Variants in SGCD observed in about 807,000 individuals in gnomAD.
The protein encoded by SGCD is delta-sarcoglycan.
A neutral mutation model predicts 36.6 loss-of-function variants in SGCD; 18 were observed. That is an observed-to-expected ratio of 0.49 (90% CI 0.34 to 0.73). The LOEUF (loss-of-function observed/expected upper bound fraction) is 0.73, where lower values mean the gene tolerates loss of function less well. Among genes scored for constraint, SGCD ranks in the 30% least tolerant of loss-of-function variants. SGCD has a pLI of 0.01. For synonymous variants in SGCD, 133 were observed against 130.6 expected (o/e 1.02, Z -0.12); for missense variants, 387 against 346.7 (o/e 1.12, Z -0.92).
chr5:155,877,224 A>G (rs1289451920), intron 1 of SGCD, among the ~76,000 whole-genome samples: 1 of 152,114 alleles, frequency 6.6e-6, no homozygotes, highest in Non-Finnish European at 1.5e-5. Context: ...TCCAAATCAT[A>G]CCGAAATGGC....
At chr5:155,877,955 C>T (rs781257887) in intron 1 of SGCD, among the ~76,000 whole-genome samples, 8 of 152,062 alleles carry the variant, frequency 5.3e-5, no homozygotes, top group Admixed American at 3.3e-4. Flanking sequence ...AAGTCAGCCC[C>T]ACTTTTTGTT....
At chr5:155,935,227 G>T (rs957050455) in intron 1 of SGCD, among the ~76,000 whole-genome samples, 1 of 152,084 alleles carries the variant, frequency 6.6e-6, no homozygotes. Flanking sequence ...AGTTATTTTT[G>T]TATATCTTAT....
the SGCD span, among the ~76,000 whole-genome samples, chr5:155,763,283 A>T: frequency 6.6e-6 from 1 of 152,208 alleles, no homozygotes; most frequent in Admixed American, 6.5e-5. Flanking sequence ...GACCTCTTAG[A>T]GGGCATATTA....
intron 4 of SGCD, among the ~76,000 whole-genome samples, chr5:156,512,211 A>AAAAAAAAAAG (rs1756967123): frequency 6.6e-6 from 1 of 151,914 alleles, no homozygotes; most frequent in African/African-American, 2.4e-5. Context: ...AAAAAAAAAA[A>AAAAAAAAAAG]AAGGAACAAT....
intron 3 of SGCD, among the ~76,000 whole-genome samples, chr5:156,429,150 A>G (rs981226143): frequency 6.6e-6 from 1 of 151,796 alleles, no homozygotes; most frequent in Non-Finnish European, 1.5e-5. Flanking sequence ...TCTTAGGTCT[A>G]GTAGTAATTG....
At chr5:156,429,265 C>CTTTTTTTTTTTTTTT (rs3074973) in intron 3 of SGCD, among the ~76,000 whole-genome samples, 2 of 123,792 alleles carry the variant, frequency 1.6e-5, no homozygotes, top group Non-Finnish European at 1.8e-5. Flanking sequence ...CCCTCATTGT[C>CTTTTTTTTTTTTTTT]TTTTTTTTTT....
chr5:156,260,628 T>G (rs1765834348), intron 3 of SGCD, among the ~76,000 whole-genome samples: 1 of 152,116 alleles, frequency 6.6e-6, no homozygotes, highest in Non-Finnish European at 1.5e-5. Context: ...ATCATGTCAT[T>G]AATAAATTAA....
intron 3 of SGCD, among the ~76,000 whole-genome samples, chr5:156,367,014 C>T (rs1332474981): frequency 6.6e-6 from 1 of 152,204 alleles, no homozygotes; most frequent in African/African-American, 2.4e-5. Flanking sequence ...TCTACACCCT[C>T]AGTTTGTGCC....
intron 3 of SGCD, among the ~76,000 whole-genome samples, chr5:156,484,023 C>T (rs1006837108): frequency 6.6e-6 from 1 of 152,158 alleles, no homozygotes; most frequent in African/African-American, 2.4e-5. Flanking sequence ...AATTGACATC[C>T]CAGAAACCGG....
chr5:155,829,429 G>T, the SGCD span, among the ~76,000 whole-genome samples: 1 of 152,136 alleles, frequency 6.6e-6, no homozygotes, highest in Admixed American at 6.5e-5. Context: ...GCTGATTCCT[G>T]TAAGATGCAC....
chr5:156,650,801 C>T (rs1763429220), intron 7 of SGCD, among the ~76,000 whole-genome samples: 13 of 152,084 alleles, frequency 8.5e-5, no homozygotes, highest in Admixed American at 8.5e-4. Flanking sequence ...ATACAAGTGC[C>T]TATGTCATTT....
At chr5:156,754,197 G>C (rs1223387751) in intron 7 of SGCD, among the ~76,000 whole-genome samples, 1 of 152,138 alleles carries the variant, frequency 6.6e-6, no homozygotes, top group Non-Finnish European at 1.5e-5. Context: ...CTAGGCAGTG[G>C]GCAAGAATAA....
chr5:156,591,992 T>A (rs558076088), intron 5 of SGCD, among the ~76,000 whole-genome samples: 1 of 152,308 alleles, frequency 6.6e-6, no homozygotes, highest in Non-Finnish European at 1.5e-5. Flanking sequence ...CCACTTTATG[T>A]TCTGTGAAGC....
At chr5:155,735,805 A>T in the SGCD span, among the ~76,000 whole-genome samples, 1 of 152,218 alleles carries the variant, frequency 6.6e-6, no homozygotes, top group Non-Finnish European at 1.5e-5. Context: ...GTCCTAGCCC[A>T]TAAGGTTTTA....
chr5:156,485,952 G>T (rs1755637680), intron 3 of SGCD, among the ~76,000 whole-genome samples: 1 of 152,124 alleles, frequency 6.6e-6, no homozygotes, highest in African/African-American at 2.4e-5. Context: ...CCTAGTTACA[G>T]AAGAGCTCCT....
At chr5:155,930,178 A>G (rs1757073686) in intron 1 of SGCD, among the ~76,000 whole-genome samples, 1 of 152,204 alleles carries the variant, frequency 6.6e-6, no homozygotes, top group Non-Finnish European at 1.5e-5. Context: ...TTCTCTATTC[A>G]TCATTGTATT....
In SGCD at chr5:156,328,650, T is replaced by G. The variant is rs551214095; in HGVS notation, c.-43-884T>G. ...GATTTTCAGCCAGCGATTTTCTTTT[T>G]TCTTCCAAGTGTTGTACTTGGAGGA... On this transcript the variant is annotated intron_variant, in intron 1 of 8. Transcript: ENST00000337851. Among the ~76,000 whole-genome samples, 6 of 152,266 alleles carry G rather than the reference T, an allele frequency of 3.9e-5. No individual in the cohort carries two copies. The South Asian group carries it at 1.2e-3, about 32-fold the overall frequency.
At chr5:155,800,927 T>C in the SGCD span, among the ~76,000 whole-genome samples, 1 of 152,228 alleles carries the variant, frequency 6.6e-6, no homozygotes, top group Non-Finnish European at 1.5e-5. Context: ...TTCACCACAG[T>C]TAAATCATGC....
chr5:156,647,593 C>A, intron 7 of SGCD, 57 bp downstream of exon 7: 2 of 1,095,736 alleles, frequency 1.8e-6, no homozygotes, highest in South Asian at 1.3e-5. Flanking sequence ...CTCTGTGCAA[C>A]TGGCCAGTGA....
Sources: allele counts gnomAD v4.1 joint callset (sites outside exome capture counted in the v4.1 genomes callset), GRCh38; gene constraint gnomAD v4.1.1; transcripts MANE v1.5; gene names NCBI Gene and HGNC (gene_info 2026-07-23, HGNC 2026-07-21).